Variants in E4F1 observed in about 807,000 individuals in gnomAD.
E4F1 encodes the protein transcription factor E4F1.
E4F1 carries 30 observed loss-of-function variants against 72.9 expected under a neutral mutation model. That is an observed-to-expected ratio of 0.41 (90% CI 0.31 to 0.56). The LOEUF (loss-of-function observed/expected upper bound fraction) is 0.56, where lower values mean the gene tolerates loss of function less well. Among genes scored for constraint, E4F1 ranks in the 20% least tolerant of loss-of-function variants. The pLI, the probability that E4F1 is intolerant of heterozygous loss-of-function variation, is 0.25. For synonymous variants in E4F1, 542 were observed against 478.2 expected (o/e 1.13, Z -1.74); for missense variants, 1,091 against 1,117.5 (o/e 0.98, Z 0.34).
intron 2 of E4F1, 149 bp downstream of exon 2, chr16:2,228,672 C>G: frequency 4.7e-6 from 5 of 1,058,552 alleles, no homozygotes; most frequent in Non-Finnish European, 6.8e-6. Flanking sequence ...TGGGAGGGTC[C>G]GGGTGTGTGA....
chr16:2,232,974 G>A (rs1462833737), intron 6 of E4F1, 37 bp from the exon 7 acceptor site: 1 of 1,610,294 alleles, frequency 6.2e-7, no homozygotes, highest in East Asian at 2.2e-5. Context: ...CCACTGGGGT[G>A]TGTGAGGGAT....
chr16:2,223,858 C>T (rs1027482501), intron 1 of E4F1, 88 bp downstream of exon 1: 2 of 1,531,094 alleles, frequency 1.3e-6, no homozygotes, highest in Admixed American at 2.0e-5. Context: ...GCTGCGGGCT[C>T]GACCGACCCT....
At position 2,234,198 on chromosome 16, in the gene E4F1, G is replaced by C; in HGVS notation, c.1403G>C (p.Cys468Ser). The C allele has an allele frequency of 6.2e-7, 1 of 1,612,556 alleles. No individual in the cohort carries two copies. Among genetic ancestry groups the C allele is most frequent in the South Asian group, 1.1e-5 (1 of 91,086 alleles). Reference protein sequence around the residue: ...TGPRPFACAQCGKAFPKAYLL... With the variant: ...TGPRPFACAQSGKAFPKAYLL... The stretch of plus-strand genomic sequence containing the variant: ...CCGAGGCCGTTCGCCTGCGCGCAGT[G>C]TGGCAAGGCCTTCCCCAAGGCCTAC... The change falls in exon 10 of 14, where the codon TGT (cysteine) becomes TCT (serine). Residue 468 changes from cysteine (C) to serine (S), a missense_variant. Coordinates refer to ENST00000301727, the MANE Select transcript of E4F1 (RefSeq NM_004424.5).
rs751126806 is a variant in E4F1, at chr16:2,233,543, G to T, written c.1162G>T (p.Glu388Ter). The stretch of plus-strand genomic sequence containing the variant: ...CATCGTCCTTGAGCGCGCTGCTGGG[G>T]AGGAGGGTGCCCTGGAGCCAGCTCC... ...SGIVLERAAGEEGALEPAPAA... is the reference protein window; with the variant it reads ...SGIVLERAAG Residue 388 changes from glutamate (E) to a stop codon, truncating the protein, a stop_gained, in exon 8 of 14, where the codon GAG (glutamate) becomes TAG (stop). Transcript: ENST00000301727. LOFTEE classifies it high-confidence loss of function. 2 of 1,522,256 alleles carry T rather than the reference G, an allele frequency of 1.3e-6. No individual in the cohort carries two copies. The highest frequency in any genetic ancestry group is 1.8e-6 in the Non-Finnish European group (2 of 1,134,638). 94.3% of individuals were successfully genotyped at this position (1,522,256 alleles called of 1,614,324 possible). A position where few individuals can be genotyped will look rare whatever the true frequency, so the allele number is the denominator to read the frequency against.
rs2241070 is a variant in E4F1, at chr16:2,228,508, G to A, written c.294G>A (p.Ala98=). The A allele has an allele frequency of 0.05, 80,406 of 1,612,674 alleles. 2,275 individuals are homozygous for A. Among genetic ancestry groups the A allele is most frequent in the East Asian group, 0.057 (2,553 of 44,878 alleles). ...EALPATPATT[A]LLGQEVVPAA... is the part of the protein sequence containing the mutation. ...TGCCTGCCACCCCTGCCACCACAGCGTTGCTGGGCCAGGAGGTGAGCCCTC... is the reference window on the plus strand; with the variant it reads ...TGCCTGCCACCCCTGCCACCACAGCATTGCTGGGCCAGGAGGTGAGCCCTC... The change falls in exon 2 of 14, where the codon GCG becomes GCA. Residue 98 remains alanine (A), a synonymous_variant. Coordinates refer to ENST00000301727, the MANE Select transcript of E4F1 (RefSeq NM_004424.5).
chr16:2,235,360 A>C lies in E4F1; in HGVS notation c.2143A>C (p.Thr715Pro). ...AAAADTITIA[T>P]PESLTEQVAM... ...TGCCGCCGACACCATCACCATCGCC[A>C]CCCCCGAGAGCCTGACAGAGCAGGT... The change falls in exon 14 of 14, where the codon ACC becomes CCC. Residue 715 changes from threonine to proline, a missense_variant. Around this residue, in one of 5 missense-constraint regions of E4F1, gnomAD observed 622 missense variants for 628.0 expected, o/e 0.99. Transcript: ENST00000301727. The C allele has an allele frequency of 6.2e-7, 1 of 1,609,676 alleles. No homozygotes were observed. Among genetic ancestry groups the C allele is most frequent in the Non-Finnish European group, 8.5e-7 (1 of 1,179,884 alleles).
intron 2 of E4F1, 30 bp from the exon 3 acceptor site, chr16:2,229,540 G>A (rs1304193826): frequency 6.9e-6 from 11 of 1,599,358 alleles, no homozygotes; most frequent in African/African-American, 1.3e-5. Context: ...GCATACAGAC[G>A]ACTCCCCTGT....
intron 2 of E4F1, 21 bp downstream of exon 2, chr16:2,228,544 C>T: frequency 1.2e-6 from 2 of 1,606,910 alleles, no homozygotes; most frequent in South Asian, 1.1e-5. Flanking sequence ...ACCCACTCCC[C>T]CATCCCCTCC....
intron 9 of E4F1, 29 bp from the exon 10 acceptor site, chr16:2,234,142 G>A (rs771526015): frequency 5.6e-6 from 9 of 1,608,048 alleles, no homozygotes; most frequent in Admixed American, 1.7e-5. Context: ...CGGGTGATGG[G>A]CTTGGCCTGA....
Position 2,228,526 on chromosome 16 carries a change from G to A in E4F1, c.309+3G>A. ...CCACAGCGTTGCTGGGCCAGGAGGTGAGCCCTCACCCACTCCCCCATCCCC... is the reference window on the plus strand; with the variant it reads ...CCACAGCGTTGCTGGGCCAGGAGGTAAGCCCTCACCCACTCCCCCATCCCC... On this transcript the variant is annotated splice_donor_region_variant and intron_variant, in intron 2 of 13. Transcript: ENST00000301727. 1 of 1,611,534 alleles carries A rather than the reference G, an allele frequency of 6.2e-7. No individual in the cohort carries two copies. Among genetic ancestry groups the A allele is most frequent in the Non-Finnish European group, 8.5e-7 (1 of 1,179,154 alleles).
In E4F1 at chr16:2,233,020, C is replaced by T. The variant is rs1277671322; in HGVS notation, c.893C>T (p.Ala298Val). The T allele has an allele frequency of 1.2e-6, 2 of 1,608,238 alleles. No homozygotes were observed. Among genetic ancestry groups the T allele is most frequent in the South Asian group, 1.1e-5 (1 of 90,952 alleles). Residue 298 changes from alanine (A) to valine (V), a missense_variant, in exon 7 of 14, where the codon GCT (alanine) becomes GTT (valine). Ala to Val is a moderately conservative substitution (Grantham distance 64). Transcript: ENST00000301727. The stretch of plus-strand genomic sequence containing the variant: ...TCACTCCACCTTGAAGGTTCTGGAG[C>T]TGGAGCTGCCGGCTTGGGGACAGCC... ...SKEDARAGSG[A>V]GAAGLGTATS...
At chr16:2,231,903 T>G in intron 3 of E4F1, 4 of 469,854 alleles carry the variant, frequency 8.5e-6, no homozygotes, top group Admixed American at 3.9e-5. Flanking sequence ...CTGTGCTCCA[T>G]GGTGGGTCTC....
At chr16:2,227,776 C>T (rs2141441524) in intron 1 of E4F1, among the ~76,000 whole-genome samples, 1 of 151,884 alleles carries the variant, frequency 6.6e-6, no homozygotes, top group East Asian at 1.9e-4. Flanking sequence ...GTTGGGATTA[C>T]AGGTGTGAGC....
intron 1 of E4F1, among the ~76,000 whole-genome samples, chr16:2,227,781 G>C (rs903054841): frequency 5.9e-5 from 9 of 151,422 alleles, no homozygotes; most frequent in Admixed American, 5.9e-4. Flanking sequence ...GATTACAGGT[G>C]TGAGCCACCA....
Position 2,233,603 on chromosome 16 carries a change from G to T in E4F1, c.1222G>T (p.Ala408Ser). Reference protein sequence around the residue: ...AGSSPQPLAVAAPQLPVLEVQ... With the variant: ...AGSSPQPLAVSAPQLPVLEVQ... ...GTCCAGTCCCCAGCCCCTGGCAGTG[G>T]CAGCCCCGCAGCTGCCGGTACTGGA... The change falls in exon 8 of 14, where the codon GCA becomes TCA. Residue 408 changes from alanine to serine, a missense_variant. This residue lies in a region of E4F1 where 622 missense variants were observed against 628.0 expected (regional missense o/e 0.99). Coordinates refer to ENST00000301727, the MANE Select transcript of E4F1 (RefSeq NM_004424.5). 6.6e-7 allele frequency: 1 copy of T among 1,506,974 alleles called. No homozygotes were observed. The allele number at this position is 1,506,974 out of a possible 1,614,324, so 93.4% of individuals were successfully genotyped here.
At position 2,233,661 on chromosome 16, in the gene E4F1, C is replaced by T. The variant is rs906345948; in HGVS notation, c.1266+14C>T. On this transcript the variant is annotated intron_variant, in intron 8 of 13. Transcript: ENST00000301727. The stretch of plus-strand genomic sequence containing the variant: ...CCGCTGGAGACAGTAGGTGCCAGCA[C>T]CACCTGCGGGCTCCTCCCAGGGCTG... The T allele has an allele frequency of 4.5e-5, 69 of 1,525,232 alleles. 1 individual carries two copies. The highest frequency in any genetic ancestry group is 5.7e-5 in the Non-Finnish European group (65 of 1,137,290). 94.5% of individuals were successfully genotyped at this position (1,525,232 alleles called of 1,614,324 possible).
At chr16:2,225,903 G>C (rs1213641918) in intron 1 of E4F1, among the ~76,000 whole-genome samples, 1 of 151,848 alleles carries the variant, frequency 6.6e-6, no homozygotes. Context: ...AGACCACCCT[G>C]GCTAACAGGT....
Position 2,223,922 on chromosome 16 carries a change from A to G in E4F1, c.157+152A>G, listed in dbSNP as rs1489513940. The G allele has an allele frequency of 2.0e-6, 3 of 1,528,176 alleles. No homozygotes were observed. In the South Asian group the frequency reaches 3.6e-5, roughly 18 times the overall value. The allele number at this position is 1,528,176 out of a possible 1,614,324, so 94.7% of individuals were successfully genotyped here. On this transcript the variant is annotated intron_variant, in intron 1 of 13. Coordinates refer to ENST00000301727, the MANE Select transcript of E4F1 (RefSeq NM_004424.5). ...CGGGACCCTCACAGCCCTCCACGAA[A>G]CCCCCAGGTTTGCTGCGACCCTCAC...
intron 10 of E4F1, 36 bp downstream of exon 10, chr16:2,234,424 C>G: frequency 6.2e-7 from 1 of 1,608,404 alleles, no homozygotes; most frequent in Non-Finnish European, 8.5e-7. Flanking sequence ...GCGCCTGATC[C>G]CCCCATCCTG....
Sources: allele counts gnomAD v4.1 joint callset (sites outside exome capture counted in the v4.1 genomes callset), GRCh38; gene constraint gnomAD v4.1.1; regional missense constraint gnomAD v4.1.1; transcripts MANE v1.5; gene names NCBI Gene and HGNC (gene_info 2026-07-23, HGNC 2026-07-21).